Variants in KIRREL3 observed in about 807,000 individuals in gnomAD.
The protein encoded by KIRREL3 is kin of IRRE-like protein 3.
In KIRREL3, 36 loss-of-function variants were observed where a neutral mutation model predicts 89.7. That is an observed-to-expected ratio of 0.40 (90% confidence interval 0.31 to 0.53). KIRREL3 has a LOEUF of 0.53. Among genes scored for constraint, KIRREL3 ranks in the 20% least tolerant of loss-of-function variants. The probability of loss-of-function intolerance (pLI) is 0.49; values close to 1 mark genes in which losing one functional copy is unlikely to be tolerated. For synonymous variants in KIRREL3, 445 were observed against 441.4 expected (o/e 1.01, Z -0.10); for missense variants, 864 against 1,056.6 (o/e 0.82, Z 2.53).
At chr11:126,473,262 T>TC in intron 5 of KIRREL3, 47 bp downstream of exon 5, 3 of 56,236 alleles carry the variant, frequency 5.3e-5, no homozygotes, top group Admixed American at 4.2e-4. Context: ...CCCCACCCAC[T>TC]CCCCTTGAAG....
In KIRREL3 at chr11:126,628,511, G is replaced by A. The variant is rs139632102; in HGVS notation, c.56-65599C>T. On this transcript the variant is annotated intron_variant, in intron 1 of 16. Coordinates refer to ENST00000525144, the MANE Select transcript of KIRREL3 (RefSeq NM_032531.4). This position sits in a 1 kb window ranked among gnomAD's most constrained non-coding sequence, Gnocchi z 5.2. Reference sequence around the variant, plus strand: ...CTGAGCAGGAAGAACAGTATATCCCGTTCTCCTAGCTCTCAAAACAATGGT... The same window carrying A: ...CTGAGCAGGAAGAACAGTATATCCCATTCTCCTAGCTCTCAAAACAATGGT... 2.3e-3 allele frequency among the ~76,000 whole-genome samples: 345 copies of A among 152,254 alleles called. 1 individual carries two copies. The highest frequency in any genetic ancestry group is 2.9e-3 in the Non-Finnish European group (200 of 68,022).
At position 126,594,874 on chromosome 11, in the gene KIRREL3, C is replaced by T. The variant is rs1275508143; in HGVS notation, c.56-31962G>A. Among the ~76,000 whole-genome samples the T allele has an allele frequency of 3.3e-5, 5 of 152,392 alleles. No homozygotes were observed. Among genetic ancestry groups the T allele is most frequent in the South Asian group, 4.1e-4 (2 of 4,834 alleles). On this transcript the variant is annotated intron_variant, in intron 1 of 16. Coordinates refer to ENST00000525144, the MANE Select transcript of KIRREL3 (RefSeq NM_032531.4). This position sits in a 1 kb window ranked among gnomAD's most constrained non-coding sequence, Gnocchi z 5.0. ...CTGTTAGCATTTCCGCCACGTGCTT[C>T]TCAGCGTTTTGCCCCAGTTGGCCTT...
In KIRREL3 at chr11:126,603,340, C is replaced by T. The variant is rs111828077; in HGVS notation, c.56-40428G>A. 6.5e-3 allele frequency among the ~76,000 whole-genome samples: 990 copies of T among 152,330 alleles called. 15 individuals carry two copies. Among genetic ancestry groups the T allele is most frequent in the African/African-American group, 0.022 (922 of 41,576 alleles). ...TCGTTTGGGGAGAAATACCTCCCTC[C>T]GCTGTGATGAGAACCCTCATTCCCA... On this transcript the variant is annotated intron_variant, in intron 1 of 16. Transcript: ENST00000525144.
Position 126,931,165 on chromosome 11 carries a change from C to T in KIRREL3, c.55+69290G>A, listed in dbSNP as rs975203616. ...TACCTGTGTTTGTCTGCTGGTCTTG[C>T]TGGCTTCCCCAGTAAGCTCTTTGAG... is the stretch of plus-strand genomic sequence containing the variant. On this transcript the variant is annotated intron_variant, in intron 1 of 16. Coordinates refer to ENST00000525144, the MANE Select transcript of KIRREL3 (RefSeq NM_032531.4). The surrounding 1 kb of genome is among the most constrained non-coding windows in gnomAD (Gnocchi z 5.1). Among the ~76,000 whole-genome samples the T allele has an allele frequency of 1.3e-5, 2 of 152,190 alleles. No individual in the cohort carries two copies. The highest frequency in any genetic ancestry group is 2.9e-5 in the Non-Finnish European group (2 of 68,038).
At chr11:126,930,243 A>T (rs962393730) in intron 1 of KIRREL3, among the ~76,000 whole-genome samples, 1 of 136,966 alleles carries the variant, frequency 7.3e-6, no homozygotes, top group South Asian at 2.6e-4. Context: ...TTCTTTCCAG[A>T]TCTGCTAAAC....
At chr11:126,445,408 G>A (rs1410952144) in intron 9 of KIRREL3, among the ~76,000 whole-genome samples, 1 of 152,224 alleles carries the variant, frequency 6.6e-6, no homozygotes, top group Admixed American at 6.5e-5. Context: ...GGGGATGCCT[G>A]CCTGGGGACT....
intron 1 of KIRREL3, among the ~76,000 whole-genome samples, chr11:126,717,090 C>T (rs994440468): frequency 6.6e-6 from 1 of 152,172 alleles, no homozygotes; most frequent in Non-Finnish European, 1.5e-5. Flanking sequence ...TCTCAAACAT[C>T]ACTTTAAAAC....
rs1478249167 is a variant in KIRREL3, at chr11:126,736,364, C to T, written c.56-173452G>A. Among the ~76,000 whole-genome samples the T allele has an allele frequency of 1.4e-4, 21 of 152,294 alleles. No homozygotes were observed. The highest frequency in any genetic ancestry group is 9.8e-4 in the Admixed American group (15 of 15,304). On this transcript the variant is annotated intron_variant, in intron 1 of 16. Coordinates refer to ENST00000525144, the MANE Select transcript of KIRREL3 (RefSeq NM_032531.4). The surrounding 1 kb of genome is among the most constrained non-coding windows in gnomAD (Gnocchi z 5.0). ...AAGTGAAATCATTTGACAAGTCATA[C>T]ACAGCTAAAACGTAGATGCCAGAGC...
At chr11:126,863,595 G>C (rs1161437167) in intron 1 of KIRREL3, among the ~76,000 whole-genome samples, 4 of 116,102 alleles carry the variant, frequency 3.4e-5, no homozygotes, top group African/African-American at 1.5e-4. Flanking sequence ...GTGTGTTTGA[G>C]TGCGTGTGTG....
In KIRREL3 at chr11:126,462,754, G is replaced by A. The variant is rs1411045275; in HGVS notation, c.742+403C>T. On this transcript the variant is annotated intron_variant, in intron 6 of 16. Transcript: ENST00000525144. The surrounding 1 kb of genome is among the most constrained non-coding windows in gnomAD (Gnocchi z 4.8). The stretch of plus-strand genomic sequence containing the variant: ...ATCAACCCTTCCATGAGAGTGGCTG[G>A]TGCACCCTCTCCAGAGCACAGCGCT... Among the ~76,000 whole-genome samples the A allele has an allele frequency of 1.3e-5, 2 of 152,102 alleles. No homozygotes were observed. The highest frequency in any genetic ancestry group is 1.3e-4 in the Admixed American group (2 of 15,270).
intron 7 of KIRREL3, among the ~76,000 whole-genome samples, chr11:126,450,886 CATGTGCGT>C (rs1354210740): frequency 7.9e-6 from 1 of 126,798 alleles, no homozygotes; most frequent in African/African-American, 3.2e-5. Context: ...TGCATGTGTG[CATGTGCGT>C]GTGTGCATGT....
rs1947621159 is a variant in KIRREL3 at position 126,708,335 on chromosome 11, C to G, written c.56-145423G>C. ...TACTGGAATAACAATGTACTCCTCA[C>G]CAAGGCATTTAGCCAGAAAAGTGCT... On this transcript the variant is annotated intron_variant, in intron 1 of 16. Transcript: ENST00000525144. This position sits in a 1 kb window ranked among gnomAD's most constrained non-coding sequence, Gnocchi z 5.7. 3.0e-5 allele frequency among the ~76,000 whole-genome samples: 1 copy of G among 32,876 alleles called. No individual in the cohort carries two copies. Among genetic ancestry groups the G allele is most frequent in the Non-Finnish European group, 5.2e-5 (1 of 19,240 alleles). The allele number at this position is 32,876 out of a possible 152,430, so 21.6% of individuals were successfully genotyped here. A position where few individuals can be genotyped will look rare whatever the true frequency, so the allele number is the denominator to read the frequency against.
chr11:126,701,399 G>A (rs894220201), intron 1 of KIRREL3, among the ~76,000 whole-genome samples: 36 of 152,032 alleles, frequency 2.4e-4, no homozygotes, highest in African/African-American at 8.0e-4. Flanking sequence ...CTGTGTTCAC[G>A]CTGTTACAAA....
chr11:126,549,012 T>A (rs1051512219), intron 2 of KIRREL3, among the ~76,000 whole-genome samples: 5 of 152,160 alleles, frequency 3.3e-5, no homozygotes, highest in Non-Finnish European at 7.4e-5. Flanking sequence ...GAGAACAGGT[T>A]AGTGTTGTGT....
chr11:126,950,574 C>T (rs2135145522), intron 1 of KIRREL3, among the ~76,000 whole-genome samples: 1 of 152,272 alleles, frequency 6.6e-6, no homozygotes, highest in African/African-American at 2.4e-5. Flanking sequence ...TTATTTTTGA[C>T]TTCAGGTCCC....
At chr11:126,938,711 G>A (rs1592415372) in intron 1 of KIRREL3, among the ~76,000 whole-genome samples, 1 of 152,188 alleles carries the variant, frequency 6.6e-6, no homozygotes, top group South Asian at 2.1e-4. Flanking sequence ...GTAACATAAA[G>A]AAAGTTTCTA....
At position 126,677,697 on chromosome 11, in the gene KIRREL3, G is replaced by A. The variant is rs1222871347; in HGVS notation, c.56-114785C>T. 6.6e-6 allele frequency among the ~76,000 whole-genome samples: 1 copy of A among 152,110 alleles called. No homozygotes were observed. The highest frequency in any genetic ancestry group is 1.9e-4 in the East Asian group (1 of 5,182). ...AATCCACCAGCAGCTCGCACGAGTG[G>A]GTCCTCCCAGAATGAGTCCAGGGGA... On this transcript the variant is annotated intron_variant, in intron 1 of 16. Transcript: ENST00000525144. The surrounding 1 kb of genome is among the most constrained non-coding windows in gnomAD (Gnocchi z 5.1).
rs913663384 is a variant in KIRREL3, at chr11:126,513,302, C to A, written c.433+8013G>T. 3.9e-5 allele frequency among the ~76,000 whole-genome samples: 6 copies of A among 152,120 alleles called. No homozygotes were observed. Among genetic ancestry groups the A allele is most frequent in the African/African-American group, 1.4e-4 (6 of 41,422 alleles). ...GGCATGGTCATTTGGGAAGCTACCC[C>A]CAGATTTCAGTGGCGAGTGGGCACT... On this transcript the variant is annotated intron_variant, in intron 4 of 16. Transcript: ENST00000525144. This position sits in a 1 kb window ranked among gnomAD's most constrained non-coding sequence, Gnocchi z 5.9.
chr11:126,543,078 T>C (rs775932678), intron 2 of KIRREL3, among the ~76,000 whole-genome samples: 3 of 152,146 alleles, frequency 2.0e-5, no homozygotes, highest in Non-Finnish European at 4.4e-5. Context: ...CCCGTGAATA[T>C]ACCCTCCCAA....
Sources: gnomAD v4.1 joint callset for allele counts (sites outside exome capture counted in the v4.1 genomes callset) on GRCh38, gnomAD v4.1.1 for gene constraint, Gnocchi (gnomAD v3.1) non-coding constraint, MANE v1.5 for transcripts, NCBI Gene and HGNC (gene_info 2026-07-23, HGNC 2026-07-21) for gene names.